LHX4: variants seen among roughly 807,000 people sequenced by gnomAD.
LHX4 encodes the protein LIM/homeobox protein Lhx4.
A neutral mutation model predicts 39.2 loss-of-function variants in LHX4; 16 were observed. The observed-to-expected ratio is 0.41, with a 90% CI of 0.28 to 0.62. LHX4 has a LOEUF of 0.62. LHX4 is among the 20% of genes least tolerant of loss of function. The pLI, the probability that LHX4 is intolerant of heterozygous loss-of-function variation, is 0.33. For missense variants in LHX4, 439 were observed against 511.9 expected, an observed-to-expected ratio of 0.86 and a Z score of 1.37; for synonymous variants, 206 against 198.1, an observed-to-expected ratio of 1.04 and a Z score of -0.33.
chr1:180,231,014 G>C (rs756348010), intron 1 of LHX4, among the ~76,000 whole-genome samples: 22 of 152,100 alleles, frequency 1.4e-4, no homozygotes, highest in Middle Eastern at 3.4e-3. Flanking sequence ...CTTCACCCCA[G>C]CTGGCGGGAA....
chr1:180,248,083 T>C (rs1023482434), intron 1 of LHX4, among the ~76,000 whole-genome samples: 4 of 152,172 alleles, frequency 2.6e-5, no homozygotes, highest in Non-Finnish European at 5.9e-5. Flanking sequence ...AAAGCAAGGG[T>C]TGGCTTTCAG....
chr1:180,264,408 CACACAGT>C (rs1416803815), intron 2 of LHX4, among the ~76,000 whole-genome samples: 1 of 150,982 alleles, frequency 6.6e-6, no homozygotes, highest in Non-Finnish European at 1.5e-5. Context: ...CACACACACA[CACACAGT>C]AGAGGTGGGT....
chr1:180,248,318 T>G lies in LHX4; in HGVS notation c.110T>G (p.Ile37Ser). 1 of 1,614,204 alleles carries G rather than the reference T, an allele frequency of 6.2e-7. No individual in the cohort carries two copies. The highest frequency in any genetic ancestry group is 8.5e-7 in the Non-Finnish European group (1 of 1,180,040). Residue 37 changes from isoleucine to serine, a missense_variant, in exon 2 of 6, where the codon ATC (isoleucine) becomes AGC (serine). Coordinates refer to ENST00000263726, the MANE Select transcript of LHX4 (RefSeq NM_033343.4). ...CAGTGCGCTGGCTGCAACCAGCACA[T>G]CCTGGACAAGTTCATCCTGAAGGTC... The part of the protein sequence containing the change: ...IPQCAGCNQH[I>S]LDKFILKVLD...
At chr1:180,251,227 C>T (rs1402326454) in intron 2 of LHX4, among the ~76,000 whole-genome samples, 1 of 152,222 alleles carries the variant, frequency 6.6e-6, no homozygotes, top group East Asian at 1.9e-4. Context: ...CCAGTCCTAG[C>T]CCGCTGCTTT....
chr1:180,250,049 G>A (rs1304304141), intron 2 of LHX4, among the ~76,000 whole-genome samples: 8 of 152,126 alleles, frequency 5.3e-5, no homozygotes, highest in Non-Finnish European at 1.0e-4. Flanking sequence ...TGCCCGGCAA[G>A]TCCTTGATGT....
intron 2 of LHX4, among the ~76,000 whole-genome samples, chr1:180,263,124 C>T (rs1020707110): frequency 6.6e-6 from 1 of 152,190 alleles, no homozygotes; most frequent in Non-Finnish European, 1.5e-5. Context: ...GAGCCCTCTT[C>T]CTTGGCTGGA....
intron 2 of LHX4, among the ~76,000 whole-genome samples, chr1:180,260,645 G>A (rs1011042068): frequency 7.9e-5 from 12 of 151,846 alleles, no homozygotes; most frequent in African/African-American, 2.9e-4. Context: ...TGTGGAAGGT[G>A]GACAGCGGGC....
chr1:180,233,423 A>G (rs1664226600), intron 1 of LHX4, among the ~76,000 whole-genome samples: 1 of 150,448 alleles, frequency 6.6e-6, no homozygotes, highest in South Asian at 2.1e-4. Flanking sequence ...CGTCCCCGCC[A>G]CCTCCCTCCG....
chr1:180,269,315 T>C (rs1648488078), intron 3 of LHX4, among the ~76,000 whole-genome samples: 2 of 152,222 alleles, frequency 1.3e-5, no homozygotes, highest in African/African-American at 4.8e-5. Context: ...TCATAGCGTT[T>C]TGTCACATTT....
chr1:180,229,949 GAGGC>G (rs1341141935), upstream of LHX4, among the ~76,000 whole-genome samples: 4 of 100,046 alleles, frequency 4.0e-5, no homozygotes, highest in East Asian at 3.0e-4. Context: ...GGCGGAGGCG[GAGGC>G]GGAGGCGGGG....
At position 180,230,597 on chromosome 1, in the gene LHX4, C is replaced by G. The variant is rs759928429; in HGVS notation, c.68C>G (p.Pro23Arg). Reference sequence around the variant, plus strand: ...GGGCTCCCGGAGATGCTAGGTGTGCCGATGCAACGTAAGACACCCCCCTTT... The same window carrying G: ...GGGCTCCCGGAGATGCTAGGTGTGCGGATGCAACGTAAGACACCCCCCTTT... ...VKGLPEMLGVPMQQIPQCAGC... is the reference protein window; with the variant it reads ...VKGLPEMLGVRMQQIPQCAGC... Residue 23 changes from proline (P) to arginine (R), a missense_variant, in exon 1 of 6, where the codon CCG becomes CGG. Coordinates refer to ENST00000263726, the MANE Select transcript of LHX4 (RefSeq NM_033343.4). This position sits in a 1 kb window ranked among gnomAD's most constrained non-coding sequence, Gnocchi z 5.8. 2 of 1,613,314 alleles carry G rather than the reference C, an allele frequency of 1.2e-6. No individual in the cohort carries two copies. Among genetic ancestry groups the G allele is most frequent in the East Asian group, 2.2e-5 (1 of 44,864 alleles).
chr1:180,269,596 T>C lies in LHX4; in HGVS notation c.452-1784T>C, dbSNP rs1648506026. On this transcript the variant is annotated intron_variant, in intron 3 of 5. Transcript: ENST00000263726. The stretch of plus-strand genomic sequence containing the variant: ...CCATCTGGCTGTGGTGAAAAGAATT[T>C]ATAATTCCGTAGGCCAAGCTATTTT... The C allele has an allele frequency of 2.0e-5, 3 of 152,374 alleles. No homozygotes were observed. The East Asian group carries it at 5.8e-4, about 29-fold the overall frequency. 9.4% of individuals were successfully genotyped at this position (152,374 alleles called of 1,614,324 possible). A position where few individuals can be genotyped will look rare whatever the true frequency, so the allele number is the denominator to read the frequency against.
intron 2 of LHX4, among the ~76,000 whole-genome samples, chr1:180,249,114 AGTTT>A (rs1647499602): frequency 6.6e-6 from 1 of 152,210 alleles, no homozygotes; most frequent in Admixed American, 6.5e-5. Flanking sequence ...TCTATGCCTC[AGTTT>A]GTTTATCTGT....
intron 2 of LHX4, among the ~76,000 whole-genome samples, chr1:180,260,074 G>A (rs896923583): frequency 2.0e-5 from 3 of 151,662 alleles, no homozygotes; most frequent in Admixed American, 6.5e-5. Context: ...GTGAGCCTGA[G>A]TTAAGTCACC....
chr1:180,246,750 T>A (rs1647403185), intron 1 of LHX4, among the ~76,000 whole-genome samples: 1 of 152,200 alleles, frequency 6.6e-6, no homozygotes, highest in South Asian at 2.1e-4. Flanking sequence ...CATGTATGAT[T>A]CATGAGAGAT....
chr1:180,231,330 G>C (rs355626), intron 1 of LHX4, among the ~76,000 whole-genome samples: 3,260 of 151,996 alleles, frequency 0.021, 104 homozygotes, highest in African/African-American at 0.072. Flanking sequence ...GGTAGAGACG[G>C]GGGTGTGTGG....
chr1:180,270,745 C>G (rs1282421187), intron 3 of LHX4: 3 of 157,102 alleles, frequency 1.9e-5, no homozygotes, highest in African/African-American at 7.2e-5. Context: ...ATGAAATGAT[C>G]TTGCCATTCC....
chr1:180,238,845 C>T (rs1405939842), intron 1 of LHX4, among the ~76,000 whole-genome samples: 2 of 152,084 alleles, frequency 1.3e-5, no homozygotes, highest in South Asian at 2.1e-4. Context: ...GGTTGGGGGG[C>T]GGCACACACC....
intron 1 of LHX4, among the ~76,000 whole-genome samples, chr1:180,231,554 TCGCGCGCGCGCG>T (rs3041737): frequency 0.026 from 3,495 of 132,780 alleles, 146 homozygotes; most frequent in African/African-American, 0.075. Context: ...TGCCCAGTCG[TCGCGCGCGCGCG>T]CGCGCGCGCG....
Sources: allele counts gnomAD v4.1 joint callset (sites outside exome capture counted in the v4.1 genomes callset), GRCh38; gene constraint gnomAD v4.1.1; non-coding constraint Gnocchi (gnomAD v3.1); transcripts MANE v1.5; gene names NCBI Gene and HGNC (gene_info 2026-07-23, HGNC 2026-07-21).